Variants in DTWD2 observed in about 807,000 individuals in gnomAD.
The protein encoded by DTWD2 is tRNA-uridine aminocarboxypropyltransferase 2.
A neutral mutation model predicts 31.8 loss-of-function variants in DTWD2; 39 were observed. The observed-to-expected ratio is 1.22, with a 90% CI of 0.95 to 1.60. DTWD2 has a LOEUF of 1.60. DTWD2 is among the 40% of genes most tolerant of loss of function. DTWD2 has a pLI of 0.00. For synonymous variants in DTWD2, 180 were observed against 142.8 expected (o/e 1.26, Z -1.86); for missense variants, 515 against 381.5 (o/e 1.35, Z -2.92).
chr5:118,978,869 G>A lies in DTWD2; in HGVS notation c.218+9425C>T, dbSNP rs544719203. ...AAAAATAAAAAAATTAGCTGGGCATGGTGGTGCACACATGTAGTCCCAGCT... is the reference window on the plus strand; with the variant it reads ...AAAAATAAAAAAATTAGCTGGGCATAGTGGTGCACACATGTAGTCCCAGCT... On this transcript the variant is annotated intron_variant, in intron 1 of 5. Coordinates refer to ENST00000510708, the MANE Select transcript of DTWD2 (RefSeq NM_173666.4). Among the ~76,000 whole-genome samples, 9 of 152,164 alleles carry A rather than the reference G, an allele frequency of 5.9e-5. No homozygotes were observed. The South Asian group carries it at 1.9e-3, about 32-fold the overall frequency.
rs770493076 is a variant in DTWD2 at position 118,848,062 on chromosome 5, G to T, written c.726+28C>A. ...TAAAATCTAAGAAAACTCCCACTTTGAAAAACTATAACCTTACAAAGACGT... is the reference window on the plus strand; with the variant it reads ...TAAAATCTAAGAAAACTCCCACTTTTAAAAACTATAACCTTACAAAGACGT... On this transcript the variant is annotated intron_variant, in intron 5 of 5. Coordinates refer to ENST00000510708, the MANE Select transcript of DTWD2 (RefSeq NM_173666.4). 6.1e-6 allele frequency: 9 copies of T among 1,472,774 alleles called. No homozygotes were observed. In the African/African-American group the frequency reaches 1.2e-4, roughly 19 times the overall value. The allele number at this position is 1,472,774 out of a possible 1,614,324, so 91.2% of individuals were successfully genotyped here.
intron 4 of DTWD2, among the ~76,000 whole-genome samples, chr5:118,900,556 A>C (rs542345568): frequency 6.6e-6 from 1 of 152,386 alleles, no homozygotes; most frequent in Non-Finnish European, 1.5e-5. Context: ...TATACAAAAA[A>C]GATAAAGTAT....
chr5:118,983,450 G>C (rs555813230), intron 1 of DTWD2, among the ~76,000 whole-genome samples: 1 of 152,154 alleles, frequency 6.6e-6, no homozygotes, highest in African/African-American at 2.4e-5. Flanking sequence ...GTGCCAGTTT[G>C]TGGCTCGTGC....
intron 4 of DTWD2, among the ~76,000 whole-genome samples, chr5:118,921,170 C>T (rs1460770439): frequency 6.6e-6 from 1 of 152,012 alleles, no homozygotes; most frequent in East Asian, 1.9e-4. Context: ...GTGAGGGGTA[C>T]ACAGCACCCT....
intron 4 of DTWD2, among the ~76,000 whole-genome samples, chr5:118,865,821 T>C (rs77426825): frequency 0.015 from 2,268 of 152,290 alleles, 52 homozygotes; most frequent in African/African-American, 0.052. Flanking sequence ...CCTATCTCCT[T>C]AGGTTTCAAT....
At chr5:118,980,314 G>C (rs934900272) in intron 1 of DTWD2, among the ~76,000 whole-genome samples, 3 of 152,158 alleles carry the variant, frequency 2.0e-5, no homozygotes, top group African/African-American at 7.2e-5. Flanking sequence ...AATTATCTCT[G>C]AAATCCCTGT....
chr5:118,864,435 G>C (rs1688313349), intron 4 of DTWD2, among the ~76,000 whole-genome samples: 2 of 150,784 alleles, frequency 1.3e-5, no homozygotes, highest in Admixed American at 1.3e-4. Flanking sequence ...AATGCTAAAT[G>C]ACGAGTTAAT....
chr5:118,879,145 C>T (rs1752684506), intron 4 of DTWD2, among the ~76,000 whole-genome samples: 1 of 152,084 alleles, frequency 6.6e-6, no homozygotes. Context: ...GGCTATATAC[C>T]CAATGGAATA....
intron 1 of DTWD2, among the ~76,000 whole-genome samples, chr5:118,965,472 T>C (rs1361597889): frequency 6.6e-6 from 1 of 151,944 alleles, no homozygotes. Flanking sequence ...TGCGGTTTTG[T>C]CGAATACAAA....
intron 1 of DTWD2, 109 bp from the exon 2 acceptor site, chr5:118,944,758 A>G: frequency 1.1e-6 from 1 of 934,038 alleles, no homozygotes; most frequent in Non-Finnish European, 1.6e-6. Context: ...GGTTTGCTAA[A>G]GCTACATTCT....
intron 5 of DTWD2, among the ~76,000 whole-genome samples, chr5:118,846,246 A>G (rs1236070406): frequency 6.6e-6 from 1 of 152,154 alleles, no homozygotes; most frequent in Admixed American, 6.6e-5. Context: ...ATAATATAAA[A>G]TTGGAGAGAA....
At chr5:118,973,081 T>C (rs868493161) in intron 1 of DTWD2, among the ~76,000 whole-genome samples, 8,653 of 132,730 alleles carry the variant, frequency 0.065, 235 homozygotes, top group African/African-American at 0.085. Context: ...GCAACCCCCT[T>C]TTTTTTTTTT....
In DTWD2 at chr5:118,929,207, T is replaced by C. The variant is rs137954916; in HGVS notation, c.405-478A>G. ...GCAAGCCACATTCTCAAATTCACCTTTGTTAAAGCCAACTAAATATGGCCT... is the reference window on the plus strand; with the variant it reads ...GCAAGCCACATTCTCAAATTCACCTCTGTTAAAGCCAACTAAATATGGCCT... On this transcript the variant is annotated intron_variant, in intron 3 of 5. Transcript: ENST00000510708. Among the ~76,000 whole-genome samples the C allele has an allele frequency of 6.6e-5, 10 of 151,400 alleles. No homozygotes were observed. The East Asian group carries it at 1.9e-3, about 29-fold the overall frequency.
intron 4 of DTWD2, among the ~76,000 whole-genome samples, chr5:118,860,054 G>A (rs1752224369): frequency 6.6e-6 from 1 of 151,942 alleles, no homozygotes; most frequent in Non-Finnish European, 1.5e-5. Flanking sequence ...GGAAGTTGAG[G>A]CTGCAGTGAG....
In DTWD2 at chr5:118,867,142, T is replaced by C. The variant is rs1442632151; in HGVS notation, c.598-18924A>G. On this transcript the variant is annotated intron_variant, in intron 4 of 5. Coordinates refer to ENST00000510708, the MANE Select transcript of DTWD2 (RefSeq NM_173666.4). ...ACTTACAGTTAAAGAAAACTAAATT[T>C]ATATTGGCCTGAAACAGACAAGCAT... Among the ~76,000 whole-genome samples the C allele has an allele frequency of 2.0e-5, 3 of 152,118 alleles. No individual in the cohort carries two copies. The East Asian group carries it at 5.8e-4, about 29-fold the overall frequency.
intron 1 of DTWD2, among the ~76,000 whole-genome samples, chr5:118,980,505 T>C (rs1755276962): frequency 6.6e-6 from 1 of 152,216 alleles, no homozygotes; most frequent in African/African-American, 2.4e-5. Flanking sequence ...CCAAAAGGAC[T>C]TGAATAGACA....
chr5:118,854,323 CT>C (rs1321583813), intron 4 of DTWD2, among the ~76,000 whole-genome samples: 1 of 151,782 alleles, frequency 6.6e-6, no homozygotes. Flanking sequence ...CAACTGTAAT[CT>C]TTTTTTAATA....
intron 1 of DTWD2, among the ~76,000 whole-genome samples, chr5:118,968,898 G>T (rs536962488): frequency 7.9e-4 from 120 of 152,330 alleles, no homozygotes; most frequent in African/African-American, 2.7e-3. Context: ...GCTGGCCAGT[G>T]GCAGGAAGCT....
intron 4 of DTWD2, among the ~76,000 whole-genome samples, chr5:118,850,477 C>CAAAA (rs34808087): frequency 0.014 from 427 of 30,518 alleles, 34 homozygotes; most frequent in Middle Eastern, 0.062. Context: ...GACCCCACCA[C>CAAAA]AAAAAAAAAA....
Sources: allele counts gnomAD v4.1 joint callset (sites outside exome capture counted in the v4.1 genomes callset), GRCh38; gene constraint gnomAD v4.1.1; transcripts MANE v1.5; gene names NCBI Gene and HGNC (gene_info 2026-07-23, HGNC 2026-07-21).